RANBP17: variants seen among roughly 807,000 people sequenced by gnomAD.
RANBP17 encodes the protein RAN binding protein 17.
RANBP17 carries 158 observed loss-of-function variants against 141.2 expected under a neutral mutation model. The ratio of observed to expected loss-of-function variants is 1.12; its 90% CI spans 0.98 to 1.28. The LOEUF is 1.28. RANBP17 is among the 50% of genes most tolerant of loss of function. The probability of loss-of-function intolerance (pLI) is 0.00; values close to 1 mark genes in which losing one functional copy is unlikely to be tolerated. For missense variants in RANBP17, 1,438 were observed against 1,290.7 expected, an observed-to-expected ratio of 1.11 and a Z score of -1.75; for synonymous variants, 430 against 450.0, an observed-to-expected ratio of 0.96 and a Z score of 0.56.
intron 10 of RANBP17, among the ~76,000 whole-genome samples, 160 bp from the exon 11 acceptor site, chr5:170,919,281 A>G (rs945602679): frequency 1.3e-5 from 2 of 152,038 alleles, no homozygotes; most frequent in Admixed American, 6.6e-5. Context: ...TGGTTTCTTT[A>G]TACTTTTTTG....
intron 26 of RANBP17, among the ~76,000 whole-genome samples, chr5:171,294,893 C>G (rs1768724508): frequency 6.6e-6 from 1 of 152,202 alleles, no homozygotes; most frequent in African/African-American, 2.4e-5. Context: ...CAATATTTCA[C>G]AGTTTAGGAT....
intron 14 of RANBP17, among the ~76,000 whole-genome samples, chr5:171,063,610 G>A (rs1265462193): frequency 1.3e-5 from 2 of 152,180 alleles, no homozygotes; most frequent in African/African-American, 4.8e-5. Flanking sequence ...GGGGGTCAGG[G>A]GTCAGGGACC....
chr5:171,191,762 G>A (rs79814015), intron 18 of RANBP17, among the ~76,000 whole-genome samples: 12,572 of 151,716 alleles, frequency 0.083, 794 homozygotes, highest in African/African-American at 0.17. Flanking sequence ...TGTATGTAGT[G>A]GCCCTCTGAC....
intron 18 of RANBP17, among the ~76,000 whole-genome samples, chr5:171,183,994 G>A (rs1364930932): frequency 1.3e-5 from 2 of 152,048 alleles, no homozygotes; most frequent in Non-Finnish European, 2.9e-5. Flanking sequence ...GGGGATGGGG[G>A]GACAATACTT....
intron 20 of RANBP17, among the ~76,000 whole-genome samples, chr5:171,212,905 C>G (rs1762991064): frequency 6.6e-6 from 1 of 152,108 alleles, no homozygotes; most frequent in Admixed American, 6.5e-5. Context: ...TTCTGATGGC[C>G]TTCAGCATAG....
chr5:170,944,438 G>T (rs3849706), intron 12 of RANBP17, among the ~76,000 whole-genome samples: 1 of 151,930 alleles, frequency 6.6e-6, no homozygotes, highest in African/African-American at 2.4e-5. Context: ...AGCTAATTTT[G>T]ATATTTTTTG....
At chr5:171,257,189 G>A (rs1198631339) in intron 24 of RANBP17, among the ~76,000 whole-genome samples, 1 of 152,140 alleles carries the variant, frequency 6.6e-6, no homozygotes, top group Non-Finnish European at 1.5e-5. Context: ...AAATCCAACA[G>A]CATATCCGAA....
At chr5:171,278,002 C>T (rs1359271714) in intron 25 of RANBP17, among the ~76,000 whole-genome samples, 1 of 106,486 alleles carries the variant, frequency 9.4e-6, no homozygotes, top group Non-Finnish European at 1.7e-5. Flanking sequence ...AGGAGGTAGA[C>T]ATTTGACCCA....
At chr5:171,068,743 C>T (rs1581553118) in intron 14 of RANBP17, among the ~76,000 whole-genome samples, 1 of 152,012 alleles carries the variant, frequency 6.6e-6, no homozygotes, top group Admixed American at 6.6e-5. Flanking sequence ...TACACCACCA[C>T]GCCCGGCTAA....
At chr5:171,216,489 T>G (rs1763227908) in intron 21 of RANBP17, among the ~76,000 whole-genome samples, 1 of 152,172 alleles carries the variant, frequency 6.6e-6, no homozygotes. Context: ...AATCTATAAA[T>G]TACTTTGAGC....
intron 24 of RANBP17, among the ~76,000 whole-genome samples, chr5:171,248,090 G>A (rs903886302): frequency 2.0e-5 from 3 of 152,116 alleles, no homozygotes; most frequent in Non-Finnish European, 2.9e-5. Context: ...AGGAAGGCTG[G>A]GCGCGTTGGC....
Position 171,159,978 on chromosome 5 carries a change from A to G in RANBP17, c.1711-10152A>G, listed in dbSNP as rs546635929. On this transcript the variant is annotated intron_variant, in intron 14 of 27. Transcript: ENST00000523189. ...AAAATTTGGACAATTGGATGGACCT[A>G]TTGATCTGAATGGGGAAAACTTTGA... is the stretch of plus-strand genomic sequence containing the variant. Among the ~76,000 whole-genome samples the G allele has an allele frequency of 3.4e-4, 51 of 151,458 alleles. No individual in the cohort carries two copies. In the East Asian group the frequency reaches 9.3e-3, roughly 28 times the overall value.
intron 14 of RANBP17, among the ~76,000 whole-genome samples, chr5:171,123,415 G>A (rs1339049708): frequency 1.3e-5 from 2 of 152,200 alleles, no homozygotes; most frequent in African/African-American, 2.4e-5. Context: ...GCCAATGCTG[G>A]CACACATGTA....
chr5:170,887,012 A>G (rs889933459), intron 3 of RANBP17, among the ~76,000 whole-genome samples: 2 of 151,976 alleles, frequency 1.3e-5, no homozygotes, highest in Admixed American at 6.6e-5. Context: ...TTTTTCCAAT[A>G]TATTTATTGA....
Position 171,203,474 on chromosome 5 carries a change from T to C in RANBP17, c.2143-2050T>C, listed in dbSNP as rs182097935. On this transcript the variant is annotated intron_variant, in intron 19 of 27. Coordinates refer to ENST00000523189, the MANE Select transcript of RANBP17 (RefSeq NM_022897.5). ...TTGAGCATAAGAAATCTATTTCTTA[T>C]TCACATTAACACTGAATTTTTCTGT... Among the ~76,000 whole-genome samples the C allele has an allele frequency of 4.7e-3, 716 of 152,330 alleles. 7 individuals carry two copies. The highest frequency in any genetic ancestry group is 4.2e-3 in the Non-Finnish European group (286 of 68,024).
At position 171,253,972 on chromosome 5, in the gene RANBP17, G is replaced by A. The variant is rs1438769945; in HGVS notation, c.2776+11152G>A. ...AACTATAAAAAATATTCCTGGCTAG[G>A]CGCGGTGGCTCACGCCTATAATCCC... On this transcript the variant is annotated intron_variant, in intron 24 of 27. Coordinates refer to ENST00000523189, the MANE Select transcript of RANBP17 (RefSeq NM_022897.5). Among the ~76,000 whole-genome samples the A allele has an allele frequency of 2.0e-5, 3 of 152,204 alleles. No homozygotes were observed. In the East Asian group the frequency reaches 5.8e-4, roughly 29 times the overall value.
At chr5:171,240,863 G>T (rs941709210) in intron 22 of RANBP17, 65 bp from the exon 23 acceptor site, 3 of 1,024,292 alleles carry the variant, frequency 2.9e-6, no homozygotes, top group African/African-American at 1.6e-5. Flanking sequence ...ATGTTAAATA[G>T]TGTGTCCCAT....
rs751186819 is a variant in RANBP17, at chr5:170,911,153, A to G, written c.760+19A>G. ...AGAACAAGTAAGAAAAAACTTTGGTATGAAGGGTCATCAACATAAAGGCAC... is the reference window on the plus strand; with the variant it reads ...AGAACAAGTAAGAAAAAACTTTGGTGTGAAGGGTCATCAACATAAAGGCAC... On this transcript the variant is annotated intron_variant, in intron 7 of 27. Coordinates refer to ENST00000523189, the MANE Select transcript of RANBP17 (RefSeq NM_022897.5). The G allele has an allele frequency of 1.2e-6, 2 of 1,607,878 alleles. No individual in the cohort carries two copies. The highest frequency in any genetic ancestry group is 1.7e-6 in the Non-Finnish European group (2 of 1,175,408).
chr5:171,222,497 T>C (rs1484772194), intron 22 of RANBP17, among the ~76,000 whole-genome samples: 1 of 152,254 alleles, frequency 6.6e-6, no homozygotes, highest in African/African-American at 2.4e-5. Flanking sequence ...AGTGACTGAA[T>C]GGCAACTGAG....
Sources: allele counts gnomAD v4.1 joint callset (sites outside exome capture counted in the v4.1 genomes callset), GRCh38; gene constraint gnomAD v4.1.1; transcripts MANE v1.5; gene names NCBI Gene and HGNC (gene_info 2026-07-23, HGNC 2026-07-21).